Variants in ZKSCAN5 observed in about 807,000 individuals in gnomAD.
ZKSCAN5 encodes zinc finger with KRAB and SCAN domains 5.
A neutral mutation model predicts 60.0 loss-of-function variants in ZKSCAN5; 28 were observed. The observed-to-expected ratio is 0.47, with a 90% CI of 0.35 to 0.64. ZKSCAN5 has a LOEUF of 0.64. Ranked by LOEUF, ZKSCAN5 falls within the 30% of genes least tolerant of loss-of-function variation. The pLI is 0.01. For synonymous variants in ZKSCAN5, 361 were observed against 371.2 expected (o/e 0.97, Z 0.31); for missense variants, 881 against 1,034.6 (o/e 0.85, Z 2.04).
chr7:99,525,494 C>T (rs191461897), intron 5 of ZKSCAN5, among the ~76,000 whole-genome samples: 14 of 152,042 alleles, frequency 9.2e-5, no homozygotes, highest in South Asian at 4.2e-4. Flanking sequence ...TACACGCGCG[C>T]GCGCACACAC....
In ZKSCAN5 at chr7:99,505,989, A is replaced by T. The variant is rs531891278; in HGVS notation, c.-40-16A>T. The T allele has an allele frequency of 5.7e-5, 90 of 1,572,596 alleles. No homozygotes were observed. The South Asian group carries it at 9.0e-4, about 16-fold the overall frequency. On this transcript the variant is annotated splice_polypyrimidine_tract_variant and intron_variant, in intron 1 of 6. Transcript: ENST00000326775. ...CCTTCAGAAGATATTAAAGAGCAGA[A>T]AAACAATTGTTTCAGTGTAACACAG...
rs1018295292 is a variant in ZKSCAN5, at chr7:99,533,000, G to A, written c.*751G>A. On this transcript the variant is annotated 3_prime_UTR_variant, in exon 7 of 7. Coordinates refer to ENST00000326775, the MANE Select transcript of ZKSCAN5 (RefSeq NM_145102.4). ...ACTGTACTGGTCAGTCACATCTTAC[G>A]GCGAAGGGAGAGGGACCTTAGGGGA... The A allele has an allele frequency of 3.3e-5, 7 of 209,166 alleles. No individual in the cohort carries two copies. The highest frequency in any genetic ancestry group is 9.0e-5 in the African/African-American group (4 of 44,632). The allele number at this position is 209,166 out of a possible 1,614,324, so 13.0% of individuals were successfully genotyped here.
At chr7:99,519,718 C>G (rs1801432808) in intron 3 of ZKSCAN5, 109 bp from the exon 4 acceptor site, 1 of 1,028,336 alleles carries the variant, frequency 9.7e-7, no homozygotes, top group Admixed American at 2.1e-5. Flanking sequence ...AAGAATTTGG[C>G]CTCGGCGCAG....
At chr7:99,505,186 A>G (rs994963832) in intron 1 of ZKSCAN5, 2 of 148,384 alleles carry the variant, frequency 1.3e-5, no homozygotes, top group African/African-American at 5.2e-5. Flanking sequence ...ATTCCTAGAG[A>G]GGACGCGGAA....
chr7:99,531,719 C>A lies in ZKSCAN5; in HGVS notation c.1990C>A (p.Arg664Ser). 1 of 1,614,066 alleles carries A rather than the reference C, an allele frequency of 6.2e-7. No individual in the cohort carries two copies. The highest frequency in any genetic ancestry group is 1.1e-5 in the South Asian group (1 of 91,056). ...LHSREKSHQC[R>S]ECGEIFFQYV... is the part of the protein sequence containing the mutation. ...CTCCCGAGAGAAATCCCATCAGTGT[C>A]GTGAATGTGGGGAAATCTTTTTTCA... Residue 664 changes from arginine to serine, a missense_variant, in exon 7 of 7, where the codon CGT becomes AGT. This residue lies in a region of ZKSCAN5 where 112 missense variants were observed against 182.4 expected (regional missense o/e 0.61). Transcript: ENST00000326775.
rs1190133920 is a variant in ZKSCAN5, at chr7:99,520,246, C to T, written c.714C>T (p.Ser238=). 6.2e-6 allele frequency: 10 copies of T among 1,613,898 alleles called. No individual in the cohort carries two copies. Among genetic ancestry groups the T allele is most frequent in the Non-Finnish European group, 6.8e-6 (8 of 1,180,000 alleles). ...AGGAATGGGGGCATTTGGACCAGTC[C>T]CAGAAGTCCCTTTATAGGGATGACA... is the stretch of plus-strand genomic sequence containing the variant. The part of the protein sequence containing the change: ...ILEEWGHLDQ[S]QKSLYRDDRK... Residue 238 remains serine, a synonymous_variant, in exon 5 of 7, where the codon TCC becomes TCT. Coordinates refer to ENST00000326775, the MANE Select transcript of ZKSCAN5 (RefSeq NM_145102.4).
Position 99,533,771 on chromosome 7 carries a change from G to A in ZKSCAN5, c.*1522G>A. On this transcript the variant is annotated 3_prime_UTR_variant, in exon 7 of 7. Transcript: ENST00000326775. ...CTAAGCTCTCTCCCTTCTCTATCCTGTTTCATTCCCTCCCTCAAAGGCGTT... is the reference window on the plus strand; with the variant it reads ...CTAAGCTCTCTCCCTTCTCTATCCTATTTCATTCCCTCCCTCAAAGGCGTT... 5.0e-6 allele frequency: 2 copies of A among 397,492 alleles called. No homozygotes were observed. Among genetic ancestry groups the A allele is most frequent in the Middle Eastern group, 6.3e-4 (1 of 1,586 alleles). 24.6% of individuals were successfully genotyped at this position (397,492 alleles called of 1,614,324 possible). A position where few individuals can be genotyped will look rare whatever the true frequency, so the allele number is the denominator to read the frequency against.
intron 2 of ZKSCAN5, among the ~76,000 whole-genome samples, chr7:99,510,592 G>T (rs1384931782): frequency 6.6e-6 from 1 of 151,882 alleles, no homozygotes; most frequent in East Asian, 1.9e-4. Flanking sequence ...TTACTGGCAT[G>T]TACCACCACA....
intron 3 of ZKSCAN5, among the ~76,000 whole-genome samples, chr7:99,517,704 G>A (rs1477242947): frequency 3.3e-5 from 5 of 150,976 alleles, no homozygotes; most frequent in Non-Finnish European, 5.9e-5. Flanking sequence ...AAAATTAGCC[G>A]GGTGTGGTGG....
intron 3 of ZKSCAN5, among the ~76,000 whole-genome samples, chr7:99,516,056 C>T (rs1030099761): frequency 6.6e-6 from 1 of 151,778 alleles, no homozygotes; most frequent in Non-Finnish European, 1.5e-5. Flanking sequence ...GGCGTGACTG[C>T]AACCTCTGCC....
At chr7:99,508,491 C>T (rs1230236643) in intron 2 of ZKSCAN5, among the ~76,000 whole-genome samples, 1 of 151,610 alleles carries the variant, frequency 6.6e-6, no homozygotes, top group East Asian at 2.0e-4. Flanking sequence ...TGGTGACTCA[C>T]GCCTGTAATC....
intron 5 of ZKSCAN5, 28 bp from the exon 6 acceptor site, chr7:99,525,785 T>A: frequency 6.4e-7 from 1 of 1,569,824 alleles, no homozygotes; most frequent in Non-Finnish European, 8.6e-7. Context: ...GAAAAGCTCA[T>A]TTTTTAATTC....
chr7:99,518,670 CTTTTTTTTTT>C (rs993896580), intron 3 of ZKSCAN5, among the ~76,000 whole-genome samples: 2 of 92,214 alleles, frequency 2.2e-5, no homozygotes, highest in African/African-American at 4.9e-5. Flanking sequence ...AGAATGCATC[CTTTTTTTTTT>C]TTTTTTTTTT....
chr7:99,530,287 G>A (rs536189985), intron 6 of ZKSCAN5, among the ~76,000 whole-genome samples: 3 of 152,054 alleles, frequency 2.0e-5, no homozygotes, highest in Admixed American at 6.6e-5. Context: ...TGCCCGCCTC[G>A]GCCTCCCATA....
At chr7:99,521,208 A>AT (rs1470973491) in intron 5 of ZKSCAN5, among the ~76,000 whole-genome samples, 2 of 152,134 alleles carry the variant, frequency 1.3e-5, no homozygotes, top group South Asian at 2.1e-4. Context: ...TTATTATTTT[A>AT]TTTTTTTGAG....
chr7:99,526,322 A>G lies in ZKSCAN5; in HGVS notation c.1282A>G (p.Arg428Gly), dbSNP rs774023556. ...VQHHSVHSGE[R>G]PYGCNECGKN... The stretch of plus-strand genomic sequence containing the variant: ...GCACCACAGTGTCCACAGCGGAGAG[A>G]GGCCCTATGGCTGCAATGAGTGTGG... The change falls in exon 6 of 7, where the codon AGG becomes GGG. Residue 428 changes from arginine to glycine, a missense_variant. This residue lies in a region of ZKSCAN5 where 490 missense variants were observed against 554.5 expected (regional missense o/e 0.88). Coordinates refer to ENST00000326775, the MANE Select transcript of ZKSCAN5 (RefSeq NM_145102.4). 1 of 1,610,662 alleles carries G rather than the reference A, an allele frequency of 6.2e-7. No individual in the cohort carries two copies.
At chr7:99,526,962 TA>T (rs1248809654) in intron 6 of ZKSCAN5, among the ~76,000 whole-genome samples, 1 of 152,212 alleles carries the variant, frequency 6.6e-6, no homozygotes, top group Non-Finnish European at 1.5e-5. Flanking sequence ...TCTATGGTAG[TA>T]AATGAGGATT....
chr7:99,521,871 T>A (rs1801554209), intron 5 of ZKSCAN5, among the ~76,000 whole-genome samples: 1 of 152,132 alleles, frequency 6.6e-6, no homozygotes, highest in African/African-American at 2.4e-5. Context: ...ATGCAAATTT[T>A]AAAAATTCTT....
intron 3 of ZKSCAN5, among the ~76,000 whole-genome samples, chr7:99,515,878 G>T (rs1408083128): frequency 1.3e-5 from 2 of 151,696 alleles, no homozygotes; most frequent in Non-Finnish European, 2.9e-5. Context: ...GTCCTCGAGA[G>T]GTTAAGTTGA....
Sources: allele counts gnomAD v4.1 joint callset (sites outside exome capture counted in the v4.1 genomes callset), GRCh38; gene constraint gnomAD v4.1.1; regional missense constraint gnomAD v4.1.1; transcripts MANE v1.5; gene names NCBI Gene and HGNC (gene_info 2026-07-23, HGNC 2026-07-21).